The following PCCA variants were observed in gnomAD, a reference collection of about 807,000 sequenced individuals.
The protein encoded by PCCA is propionyl-CoA carboxylase subunit alpha, also known as propionyl-CoA carboxylase alpha chain, mitochondrial.
A neutral mutation model predicts 101.3 loss-of-function variants in PCCA; 74 were observed. The observed-to-expected ratio is 0.73, with a 90% CI of 0.61 to 0.89. The LOEUF (loss-of-function observed/expected upper bound fraction) is 0.89. PCCA is among the 40% of genes least tolerant of loss of function. PCCA has a pLI of 0.00. For missense variants in PCCA, 891 were observed against 907.0 expected, an observed-to-expected ratio of 0.98 and a Z score of 0.23; for synonymous variants, 294 against 313.6, an observed-to-expected ratio of 0.94 and a Z score of 0.66.
At chr13:100,378,318 C>T (rs2076041445) in intron 19 of PCCA, among the ~76,000 whole-genome samples, 1 of 152,140 alleles carries the variant, frequency 6.6e-6, no homozygotes, top group African/African-American at 2.4e-5. Context: ...GATGGGACTT[C>T]CTTTATAGAT....
At chr13:100,156,842 A>G (rs142140560) in intron 5 of PCCA, among the ~76,000 whole-genome samples, 12 of 152,312 alleles carry the variant, frequency 7.9e-5, no homozygotes, top group Non-Finnish European at 1.2e-4. Context: ...AGAAAGGAGA[A>G]TTTAGAGTTT....
chr13:100,104,940 A>G (rs1292260100), intron 2 of PCCA, among the ~76,000 whole-genome samples: 3 of 151,984 alleles, frequency 2.0e-5, no homozygotes, highest in Admixed American at 6.6e-5. Flanking sequence ...CTGACCTCAA[A>G]TGTCTTCCTG....
rs186846813 is a variant in PCCA, at chr13:100,205,146, A to G, written c.469-4186A>G. Among the ~76,000 whole-genome samples the G allele has an allele frequency of 1.5e-4, 23 of 152,352 alleles. No homozygotes were observed. The East Asian group carries it at 4.0e-3, about 27-fold the overall frequency. On this transcript the variant is annotated intron_variant, in intron 6 of 23. Coordinates refer to ENST00000376285, the MANE Select transcript of PCCA (RefSeq NM_000282.4). ...AACTTACAGTGATTAAGGGAAACTG[A>G]TAATTAGATGGATAACAAAAAATAC...
At chr13:100,426,423 A>G (rs756644934) in intron 20 of PCCA, among the ~76,000 whole-genome samples, 23 of 151,900 alleles carry the variant, frequency 1.5e-4, no homozygotes, top group Non-Finnish European at 2.6e-4. Context: ...CCCCACCCAT[A>G]GCATTAAATG....
chr13:100,221,479 C>T (rs2059804953), intron 7 of PCCA, among the ~76,000 whole-genome samples: 2 of 152,190 alleles, frequency 1.3e-5, no homozygotes, highest in African/African-American at 4.8e-5. Context: ...TAGGAGGCTG[C>T]ATCTGAATTT....
chr13:100,173,404 A>G (rs1039773879), intron 6 of PCCA, among the ~76,000 whole-genome samples: 1 of 152,226 alleles, frequency 6.6e-6, no homozygotes, highest in African/African-American at 2.4e-5. Flanking sequence ...CAAAACAGCA[A>G]CCAGGGATGA....
chr13:100,309,296 C>A (rs2066719076), intron 15 of PCCA, among the ~76,000 whole-genome samples: 1 of 152,196 alleles, frequency 6.6e-6, no homozygotes, highest in Admixed American at 6.5e-5. Context: ...TCTCGAGAGG[C>A]TGAGGCGAGA....
At chr13:100,175,919 G>A (rs1218217878) in intron 6 of PCCA, among the ~76,000 whole-genome samples, 1 of 152,140 alleles carries the variant, frequency 6.6e-6, no homozygotes, top group Non-Finnish European at 1.5e-5. Flanking sequence ...TCGTTAAAGT[G>A]AAAATACTCT....
intron 19 of PCCA, among the ~76,000 whole-genome samples, chr13:100,416,669 C>T (rs751924162): frequency 6.6e-6 from 1 of 151,694 alleles, no homozygotes; most frequent in Non-Finnish European, 1.5e-5. Context: ...GGATTACAGA[C>T]ACTCGCCACC....
chr13:100,521,414 C>G (rs1285412254), intron 22 of PCCA, among the ~76,000 whole-genome samples: 1 of 152,202 alleles, frequency 6.6e-6, no homozygotes, highest in African/African-American at 2.4e-5. Context: ...GAGTCTTCAG[C>G]CGGAGAAAGG....
chr13:100,289,349 A>G (rs1160992777), intron 12 of PCCA, among the ~76,000 whole-genome samples: 1 of 152,100 alleles, frequency 6.6e-6, no homozygotes, highest in Non-Finnish European at 1.5e-5. Context: ...GGGTCTCAAC[A>G]TATTGCCCAG....
At chr13:100,143,067 G>C (rs2052088488) in intron 4 of PCCA, among the ~76,000 whole-genome samples, 1 of 152,144 alleles carries the variant, frequency 6.6e-6, no homozygotes, top group African/African-American at 2.4e-5. Context: ...GTACCCTTCT[G>C]TTTTTCAATC....
At chr13:100,135,253 G>A (rs979330594) in intron 4 of PCCA, among the ~76,000 whole-genome samples, 1 of 151,822 alleles carries the variant, frequency 6.6e-6, no homozygotes, top group East Asian at 2.0e-4. Flanking sequence ...ATAGTAGGGT[G>A]TAGGGGCACA....
intron 4 of PCCA, among the ~76,000 whole-genome samples, chr13:100,132,324 T>TTA (rs2050627093): frequency 6.6e-6 from 1 of 152,004 alleles, no homozygotes; most frequent in African/African-American, 2.4e-5. Flanking sequence ...CCCTTGTGTA[T>TTA]CCCATTAGTG....
chr13:100,125,140 T>TGTGTGTGC, intron 4 of PCCA, among the ~76,000 whole-genome samples: 1 of 149,952 alleles, frequency 6.7e-6, no homozygotes, highest in South Asian at 2.1e-4. Context: ...TTTATTTGTG[T>TGTGTGTGC]GTGTGTGTGT....
chr13:100,454,744 A>G (rs2081586833), intron 21 of PCCA, among the ~76,000 whole-genome samples: 1 of 152,230 alleles, frequency 6.6e-6, no homozygotes, highest in Non-Finnish European at 1.5e-5. Flanking sequence ...TGTTGTGTAA[A>G]TAAGGTTCAA....
chr13:100,346,794 A>G (rs1053731009), intron 18 of PCCA, among the ~76,000 whole-genome samples: 62 of 152,152 alleles, frequency 4.1e-4, no homozygotes, highest in African/African-American at 1.4e-3. Context: ...CATCAGCCTG[A>G]TCAGTCAGCA....
intron 7 of PCCA, among the ~76,000 whole-genome samples, chr13:100,228,098 T>C (rs2152508383): frequency 6.6e-6 from 1 of 152,206 alleles, no homozygotes; most frequent in East Asian, 1.9e-4. Context: ...TCACTGCAAC[T>C]TCTGCCTCCC....
intron 21 of PCCA, among the ~76,000 whole-genome samples, chr13:100,460,187 A>G (rs919885841): frequency 1.4e-4 from 21 of 152,242 alleles, no homozygotes; most frequent in Admixed American, 7.2e-4. Context: ...GAGTCTGTGT[A>G]CATCAGATAG....
Sources: allele counts gnomAD v4.1 joint callset (sites outside exome capture counted in the v4.1 genomes callset), GRCh38; gene constraint gnomAD v4.1.1; transcripts MANE v1.5; gene names NCBI Gene and HGNC (gene_info 2026-07-23, HGNC 2026-07-21).